SLC23A2: variants seen among roughly 807,000 people sequenced by gnomAD.
SLC23A2 encodes the protein Na(+)/L-ascorbic acid transporter 2.
SLC23A2 carries 36 observed loss-of-function variants against 73.3 expected under a neutral mutation model. That is an observed-to-expected ratio of 0.49 (90% CI 0.38 to 0.65). SLC23A2 has a LOEUF of 0.65. SLC23A2 is among the 30% of genes least tolerant of loss of function. The pLI, the probability that SLC23A2 is intolerant of heterozygous loss-of-function variation, is 0.00. For synonymous variants in SLC23A2, 343 were observed against 327.3 expected (o/e 1.05, Z -0.52); for missense variants, 507 against 841.6 (o/e 0.60, Z 4.92).
At chr20:4,961,688 G>A (rs2087393138) in intron 2 of SLC23A2, among the ~76,000 whole-genome samples, 1 of 152,134 alleles carries the variant, frequency 6.6e-6, no homozygotes, top group Non-Finnish European at 1.5e-5. Context: ...TGAGATTCCA[G>A]CCCTGACTGT....
At chr20:4,992,582 C>G (rs2087945712) in intron 1 of SLC23A2, among the ~76,000 whole-genome samples, 1 of 143,964 alleles carries the variant, frequency 6.9e-6, no homozygotes, top group South Asian at 2.2e-4. Context: ...GCGATCTTGG[C>G]TCACTGCAAC....
intron 2 of SLC23A2, among the ~76,000 whole-genome samples, chr20:4,935,774 G>A (rs1023285593): frequency 1.3e-5 from 2 of 152,058 alleles, no homozygotes; most frequent in East Asian, 1.9e-4. Context: ...ACTCCAGCCT[G>A]GGCGACAGAG....
chr20:4,862,195 A>C lies in SLC23A2; in HGVS notation c.1487-110T>G. 13 of 1,080,934 alleles carry C rather than the reference A, an allele frequency of 1.2e-5. No homozygotes were observed. The highest frequency in any genetic ancestry group is 1.6e-5 in the Non-Finnish European group (12 of 733,578). The allele number at this position is 1,080,934 out of a possible 1,614,324, so 67.0% of individuals were successfully genotyped here. A position where few individuals can be genotyped will look rare whatever the true frequency, so the allele number is the denominator to read the frequency against. On this transcript the variant is annotated intron_variant, in intron 14 of 16. Coordinates refer to ENST00000338244, the MANE Select transcript of SLC23A2 (RefSeq NM_005116.6). The surrounding 1 kb of genome is among the most constrained non-coding windows in gnomAD (Gnocchi z 5.1). ...CCCCTTCTCTGTCCAACAGAAACCA[A>C]TGAGACCAGTGCAGGGACAGGAAGG...
intron 1 of SLC23A2, among the ~76,000 whole-genome samples, chr20:4,980,801 T>A (rs1600198200): frequency 6.6e-6 from 1 of 152,084 alleles, no homozygotes; most frequent in South Asian, 2.1e-4. Context: ...AAGGGCTGGG[T>A]GATTACCGGT....
At position 4,878,863 on chromosome 20, in the gene SLC23A2, T is replaced by C. The variant is rs980812348; in HGVS notation, c.825-4167A>G. ...CCCCTGTCCCAGGACCACAGTATTA[T>C]TTATGAAGTTGTGGAATGTATTTAA... On this transcript the variant is annotated intron_variant, in intron 9 of 16. Coordinates refer to ENST00000338244, the MANE Select transcript of SLC23A2 (RefSeq NM_005116.6). 2.0e-4 allele frequency among the ~76,000 whole-genome samples: 30 copies of C among 152,226 alleles called. 1 individual carries two copies. The highest frequency in any genetic ancestry group is 7.2e-4 in the African/African-American group (30 of 41,462).
chr20:4,882,998 A>G (rs1325988693), intron 9 of SLC23A2, among the ~76,000 whole-genome samples: 2 of 152,208 alleles, frequency 1.3e-5, no homozygotes, highest in African/African-American at 2.4e-5. Flanking sequence ...TGTGACTCTA[A>G]TCATCAGTAA....
intron 9 of SLC23A2, among the ~76,000 whole-genome samples, chr20:4,879,135 G>T (rs1004129426): frequency 1.3e-5 from 2 of 152,132 alleles, no homozygotes; most frequent in African/African-American, 4.8e-5. Context: ...AGCCAGGCAC[G>T]GTGGCTCACG....
At chr20:4,961,689 C>T (rs149183142) in intron 2 of SLC23A2, among the ~76,000 whole-genome samples, 15 of 152,228 alleles carry the variant, frequency 9.9e-5, no homozygotes, top group African/African-American at 3.6e-4. Flanking sequence ...GAGATTCCAG[C>T]CCTGACTGTG....
intron 4 of SLC23A2, among the ~76,000 whole-genome samples, chr20:4,907,810 G>C (rs1363370510): frequency 6.6e-6 from 1 of 151,988 alleles, no homozygotes; most frequent in South Asian, 2.1e-4. Flanking sequence ...GTATTCAATG[G>C]ATTAATGAAA....
chr20:4,984,737 A>C (rs954558872), intron 1 of SLC23A2, among the ~76,000 whole-genome samples: 14 of 152,146 alleles, frequency 9.2e-5, no homozygotes, highest in Non-Finnish European at 1.5e-4. Context: ...GCTATAATCA[A>C]AAAAAGCAGC....
At chr20:4,991,128 C>A (rs1443418707) in intron 1 of SLC23A2, among the ~76,000 whole-genome samples, 2 of 151,960 alleles carry the variant, frequency 1.3e-5, no homozygotes, top group Admixed American at 6.6e-5. Context: ...TGTTTTTGAG[C>A]AGGGTGTCTC....
At chr20:4,916,588 T>C (rs866943177) in intron 3 of SLC23A2, among the ~76,000 whole-genome samples, 33 of 152,254 alleles carry the variant, frequency 2.2e-4, no homozygotes, top group African/African-American at 5.1e-4. Flanking sequence ...ACTAAGAAGA[T>C]AGATTTTGAA....
intron 6 of SLC23A2, among the ~76,000 whole-genome samples, chr20:4,890,378 C>T (rs1210755992): frequency 1.3e-5 from 2 of 152,124 alleles, no homozygotes; most frequent in African/African-American, 4.8e-5. Context: ...CAAGGCCAGG[C>T]GTGGTGGCTC....
At position 4,868,322 on chromosome 20, in the gene SLC23A2, C is replaced by T. The variant is rs937627083; in HGVS notation, c.1251-447G>A. The stretch of plus-strand genomic sequence containing the variant: ...TCCTGACCTCAGGGTGATCCGCCTG[C>T]CTCAGCCTCCCAAAATGTTGGGATT... On this transcript the variant is annotated intron_variant, in intron 12 of 16. Transcript: ENST00000338244. This position sits in a 1 kb window ranked among gnomAD's most constrained non-coding sequence, Gnocchi z 4.4. Among the ~76,000 whole-genome samples, 27 of 152,168 alleles carry T rather than the reference C, an allele frequency of 1.8e-4. No homozygotes were observed. The highest frequency in any genetic ancestry group is 2.8e-4 in the Non-Finnish European group (19 of 68,024).
chr20:4,883,914 A>G lies in SLC23A2; in HGVS notation c.643-91T>C. On this transcript the variant is annotated intron_variant, in intron 8 of 16. Coordinates refer to ENST00000338244, the MANE Select transcript of SLC23A2 (RefSeq NM_005116.6). This position sits in a 1 kb window ranked among gnomAD's most constrained non-coding sequence, Gnocchi z 4.5. The stretch of plus-strand genomic sequence containing the variant: ...CTACAACCACAACTGATAATTCTGC[A>G]AGGCAATAAGTTATTACATCATCTA... 4 of 934,678 alleles carry G rather than the reference A, an allele frequency of 4.3e-6. No individual in the cohort carries two copies. The highest frequency in any genetic ancestry group is 6.3e-6 in the Non-Finnish European group (4 of 633,002). 57.9% of individuals were successfully genotyped at this position (934,678 alleles called of 1,614,324 possible). A position where few individuals can be genotyped will look rare whatever the true frequency, so the allele number is the denominator to read the frequency against.
upstream of SLC23A2, among the ~76,000 whole-genome samples, chr20:5,002,144 G>C (rs2088137538): frequency 6.6e-6 from 1 of 152,140 alleles, no homozygotes; most frequent in South Asian, 2.1e-4. Flanking sequence ...ATGCCCCCGG[G>C]TGAGGTTCTT....
At chr20:4,956,925 C>T (rs181589978) in intron 2 of SLC23A2, among the ~76,000 whole-genome samples, 20 of 151,670 alleles carry the variant, frequency 1.3e-4, no homozygotes, top group African/African-American at 3.9e-4. Flanking sequence ...CTCCTGCCTC[C>T]GCCTCCCAAG....
At chr20:4,977,256 T>C (rs1013620608) in intron 1 of SLC23A2, among the ~76,000 whole-genome samples, 3 of 152,302 alleles carry the variant, frequency 2.0e-5, no homozygotes, top group East Asian at 1.9e-4. Context: ...TTCAGCAAGA[T>C]AGGCATTCTA....
chr20:4,964,209 G>A (rs2087437621), intron 2 of SLC23A2, among the ~76,000 whole-genome samples: 1 of 151,920 alleles, frequency 6.6e-6, no homozygotes, highest in Non-Finnish European at 1.5e-5. Context: ...TGCCCTGGCT[G>A]GTCTTGAACT....
Sources: allele counts gnomAD v4.1 joint callset (sites outside exome capture counted in the v4.1 genomes callset), GRCh38; gene constraint gnomAD v4.1.1; non-coding constraint Gnocchi (gnomAD v3.1); transcripts MANE v1.5; gene names NCBI Gene and HGNC (gene_info 2026-07-23, HGNC 2026-07-21).